The following LARP4B variants were observed in gnomAD, a reference collection of about 807,000 sequenced individuals.
LARP4B encodes the protein La ribonucleoprotein 4B, also known as la-related protein 4B.
Under a neutral mutation model 89.8 loss-of-function variants are expected in LARP4B, and 12 were observed. The ratio of observed to expected loss-of-function variants is 0.13; its 90% confidence interval spans 0.09 to 0.22. The LOEUF is 0.22. LARP4B is among the 10% of genes least tolerant of loss of function. LARP4B has a pLI of 1.00. For synonymous variants in LARP4B, 367 were observed against 363.3 expected (o/e 1.01, Z -0.12); for missense variants, 757 against 947.7 (o/e 0.80, Z 2.64).
chr10:840,123 C>T (rs1477160412), intron 7 of LARP4B, among the ~76,000 whole-genome samples: 4 of 150,668 alleles, frequency 2.7e-5, no homozygotes, highest in South Asian at 2.1e-4. Context: ...GGGTAGAGGA[C>T]GCTTGGCGGG....
intron 1 of LARP4B, among the ~76,000 whole-genome samples, chr10:924,958 T>A (rs1291490307): frequency 6.6e-6 from 1 of 152,192 alleles, no homozygotes; most frequent in Non-Finnish European, 1.5e-5. Context: ...ATATAAATCT[T>A]GATCTCATAA....
chr10:834,848 A>G (rs368000574), intron 8 of LARP4B, among the ~76,000 whole-genome samples: 1 of 152,128 alleles, frequency 6.6e-6, no homozygotes, highest in East Asian at 1.9e-4. Context: ...CAAATTAATC[A>G]TAAGAAATAT....
the LARP4B span, among the ~76,000 whole-genome samples, chr10:964,647 G>A: frequency 1.6e-4 from 25 of 152,284 alleles, no homozygotes; most frequent in African/African-American, 6.0e-4. Flanking sequence ...GCCACAAAAC[G>A]CAGGGTCCAA....
the LARP4B span, among the ~76,000 whole-genome samples, chr10:951,856 C>T: frequency 6.7e-6 from 1 of 148,548 alleles, no homozygotes; most frequent in African/African-American, 2.5e-5. Context: ...ATCGCAGCAG[C>T]CCAGAACCAA....
chr10:813,157 A>G lies in LARP4B; in HGVS notation c.1986T>C (p.Pro662=), dbSNP rs1314359807. The change falls in exon 18 of 18, where the codon CCT becomes CCC. Residue 662 remains proline, a synonymous_variant. Transcript: ENST00000316157. ...CTTTTTGGGGTTGCAATGGGGAAGA[A>G]GGAGGCTCTTTACTCGTTCTCTGAC... ...EICQRTSKEP[P]SSPLQPQKEQ... 6.2e-7 allele frequency: 1 copy of G among 1,613,922 alleles called. No homozygotes were observed. Among genetic ancestry groups the G allele is most frequent in the Admixed American group, 1.7e-5 (1 of 59,944 alleles).
the LARP4B span, chr10:973,045 A>G: frequency 5.3e-6 from 2 of 374,064 alleles, no homozygotes; most frequent in South Asian, 4.0e-5. Flanking sequence ...TCGAGGGGCA[A>G]GCACCCACTC....
At chr10:975,410 C>T in the LARP4B span, among the ~76,000 whole-genome samples, 3 of 152,320 alleles carry the variant, frequency 2.0e-5, no homozygotes, top group Middle Eastern at 6.8e-3. Context: ...AATTCAGTTG[C>T]GATTCACTAA....
At chr10:900,028 A>C (rs1055162951) in intron 1 of LARP4B, among the ~76,000 whole-genome samples, 1 of 152,072 alleles carries the variant, frequency 6.6e-6, no homozygotes, top group African/African-American at 2.4e-5. Flanking sequence ...AAAAATGATC[A>C]CAGAAGCTAA....
chr10:889,687 T>A (rs948037267), intron 1 of LARP4B, among the ~76,000 whole-genome samples: 1 of 152,144 alleles, frequency 6.6e-6, no homozygotes, highest in African/African-American at 2.4e-5. Flanking sequence ...ACGTAAGAAG[T>A]AACTGGCTCA....
At chr10:888,337 C>CAAAA (rs547831151) in intron 1 of LARP4B, among the ~76,000 whole-genome samples, 4 of 123,808 alleles carry the variant, frequency 3.2e-5, no homozygotes, top group Non-Finnish European at 5.1e-5. Context: ...AACAAACAAA[C>CAAAA]AAAAAAAAAA....
chr10:947,536 C>T, the LARP4B span, among the ~76,000 whole-genome samples: 5 of 152,028 alleles, frequency 3.3e-5, no homozygotes, highest in Non-Finnish European at 7.4e-5. Context: ...GAGGAGTCTC[C>T]GATTTTCTTG....
intron 3 of LARP4B, chr10:870,098 A>G (rs937779346): frequency 2.1e-6 from 2 of 970,508 alleles, no homozygotes; most frequent in Non-Finnish European, 1.2e-6. Flanking sequence ...AAACAAAGCA[A>G]TTTCCAAGGC....
chr10:836,495 C>T lies in LARP4B; in HGVS notation c.658G>A (p.Val220Ile). 2 of 1,608,202 alleles carry T rather than the reference C, an allele frequency of 1.2e-6. No individual in the cohort carries two copies. The highest frequency in any genetic ancestry group is 1.7e-6 in the Non-Finnish European group (2 of 1,175,228). The change falls in exon 8 of 18, where the codon GTC becomes ATC. Residue 220 changes from valine (V) to isoleucine (I), a missense_variant. By Grantham distance (29) the Val-to-Ile change is conservative. This residue lies in a region of LARP4B where 54 missense variants were observed against 96.0 expected (regional missense o/e 0.56). Transcript: ENST00000316157. ...TTTTCTCCCTTTTCATCCACTTGGACTAAAGGTAAAGCTACAAAGAGAAGA... is the reference window on the plus strand; with the variant it reads ...TTTTCTCCCTTTTCATCCACTTGGATTAAAGGTAAAGCTACAAAGAGAAGA... ...IVEVLRSLPL[V>I]QVDEKGEKVR...
At chr10:929,825 T>C (rs1837251625) in intron 1 of LARP4B, among the ~76,000 whole-genome samples, 1 of 152,184 alleles carries the variant, frequency 6.6e-6, no homozygotes, top group African/African-American at 2.4e-5. Context: ...GGATAAAATT[T>C]ATTTCTAACC....
the LARP4B span, among the ~76,000 whole-genome samples, chr10:977,185 GCT>G: frequency 1.3e-5 from 2 of 151,918 alleles, no homozygotes; most frequent in Non-Finnish European, 1.5e-5. Context: ...ACAGGGTCTG[GCT>G]CTGTCGCCCA....
At chr10:890,427 T>G (rs1042769895) in intron 1 of LARP4B, among the ~76,000 whole-genome samples, 3 of 152,240 alleles carry the variant, frequency 2.0e-5, no homozygotes, top group African/African-American at 7.2e-5. Context: ...ATATTTCATT[T>G]TAATGTATAT....
chr10:963,751 A>G, the LARP4B span, among the ~76,000 whole-genome samples: 51 of 152,336 alleles, frequency 3.3e-4, no homozygotes, highest in East Asian at 8.9e-3. Flanking sequence ...TGGGAAGTCC[A>G]AGATCGAGGG....
At chr10:925,062 T>A (rs553264487) in intron 1 of LARP4B, among the ~76,000 whole-genome samples, 1 of 152,286 alleles carries the variant, frequency 6.6e-6, no homozygotes, top group East Asian at 1.9e-4. Flanking sequence ...ATGAAAAAAG[T>A]ACAGCAAGAA....
the LARP4B span, among the ~76,000 whole-genome samples, chr10:956,495 G>A: frequency 8.5e-5 from 13 of 152,072 alleles, no homozygotes; most frequent in African/African-American, 1.7e-4. The surrounding 1 kb of genome is among the most constrained non-coding windows in gnomAD (Gnocchi z 4.3). Flanking sequence ...ACAGGCGCCC[G>A]CCACCACGCC....
Sources: gnomAD v4.1 joint callset for allele counts (sites outside exome capture counted in the v4.1 genomes callset) on GRCh38, gnomAD v4.1.1 for gene constraint, gnomAD v4.1.1 regional missense constraint, Gnocchi (gnomAD v3.1) non-coding constraint, MANE v1.5 for transcripts, NCBI Gene and HGNC (gene_info 2026-07-23, HGNC 2026-07-21) for gene names.